Variants in NCR3 observed in about 807,000 individuals in gnomAD.
NCR3 encodes NK-p30.
In NCR3, 13 loss-of-function variants were observed where a neutral mutation model predicts 16.1. That is an observed-to-expected ratio of 0.81 (90% confidence interval 0.53 to 1.28). The LOEUF (loss-of-function observed/expected upper bound fraction) is 1.28. Ranked by LOEUF, NCR3 falls within the 50% of genes most tolerant of loss-of-function variation. The pLI, the probability that NCR3 is intolerant of heterozygous loss-of-function variation, is 0.00. For synonymous variants in NCR3, 98 were observed against 106.6 expected, an observed-to-expected ratio of 0.92 and a Z score of 0.50; for missense variants, 202 against 256.8, an observed-to-expected ratio of 0.79 and a Z score of 1.46.
Position 31,589,127 on chromosome 6 carries a change from C to T in NCR3, c.546G>A (p.Ala182=), listed in dbSNP as rs745534380. Residue 182 remains alanine (A), a synonymous_variant, in exon 4 of 4, where the codon GCG becomes GCA. Coordinates refer to ENST00000340027, the MANE Select transcript of NCR3 (RefSeq NM_147130.3). This position sits in a 1 kb window ranked among gnomAD's most constrained non-coding sequence, Gnocchi z 4.8. ...PRRQLPAVVP[A]PLPPPCGSSA... is the part of the protein sequence containing the mutation. ...AGCTCCCACATGGTGGTGGGAGGGGCGCTGGGACCACAGCCGGCAGCTGCC... is the reference window on the plus strand; with the variant it reads ...AGCTCCCACATGGTGGTGGGAGGGGTGCTGGGACCACAGCCGGCAGCTGCC... The T allele has an allele frequency of 1.3e-5, 21 of 1,612,626 alleles. No homozygotes were observed. The highest frequency in any genetic ancestry group is 6.7e-5 in the East Asian group (3 of 44,884).
At chr6:31,591,264 A>C (rs1027062234) in intron 1 of NCR3, among the ~76,000 whole-genome samples, 1 of 152,260 alleles carries the variant, frequency 6.6e-6, no homozygotes, top group Non-Finnish European at 1.5e-5. Flanking sequence ...TAAACCAAAT[A>C]TTAAAATCCC....
At position 31,589,529 on chromosome 6, in the gene NCR3, T is replaced by G. The variant is rs1772417207; in HGVS notation, c.493A>C (p.Lys165Gln). 1 of 1,613,934 alleles carries G rather than the reference T, an allele frequency of 6.2e-7. No individual in the cohort carries two copies. The highest frequency in any genetic ancestry group is 1.3e-5 in the African/African-American group (1 of 74,918). ...AVGSTVYYQG[K>Q]CLTWKGPRRQ... ...TGCCCCTGGCTCCATTACTCACATTTGCCCTGGTAATAGACGGTGCTGCCC... is the reference window on the plus strand; with the variant it reads ...TGCCCCTGGCTCCATTACTCACATTGGCCCTGGTAATAGACGGTGCTGCCC... Residue 165 changes from lysine (K) to glutamine (Q), a missense_variant, in exon 3 of 4, where the codon AAA becomes CAA. Transcript: ENST00000340027. The surrounding 1 kb of genome is among the most constrained non-coding windows in gnomAD (Gnocchi z 4.8).
intron 1 of NCR3, among the ~76,000 whole-genome samples, 172 bp from the exon 2 acceptor site, chr6:31,590,298 A>T (rs954123582): frequency 2.6e-5 from 4 of 152,140 alleles, no homozygotes; most frequent in African/African-American, 9.7e-5. Context: ...ATTTCTTAAC[A>T]TTGCTTATTA....
At chr6:31,590,324 G>A (rs894640606) in intron 1 of NCR3, among the ~76,000 whole-genome samples, 198 bp from the exon 2 acceptor site, 8 of 152,138 alleles carry the variant, frequency 5.3e-5, no homozygotes, top group South Asian at 2.1e-4. Context: ...TTTTTCGGCT[G>A]GGTGCAGTGG....
rs759465543 is a variant in NCR3 at position 31,589,430 on chromosome 6, C to T, written c.496+96G>A. On this transcript the variant is annotated intron_variant, in intron 3 of 3. Coordinates refer to ENST00000340027, the MANE Select transcript of NCR3 (RefSeq NM_147130.3). The surrounding 1 kb of genome is among the most constrained non-coding windows in gnomAD (Gnocchi z 4.8). ...CAGGAGCTGCTCAGTGTTGCAGTCC[C>T]GAGGCTCTCCTCTTCCTGGTCTCTG... The T allele has an allele frequency of 5.1e-6, 8 of 1,560,836 alleles. No individual in the cohort carries two copies. Among genetic ancestry groups the T allele is most frequent in the African/African-American group, 2.7e-5 (2 of 73,514 alleles).
rs144734030 is a variant in NCR3 at position 31,590,062 on chromosome 6, G to C, written c.108C>G (p.Phe36Leu). Reference protein sequence around the residue: ...EIRTLEGSSAFLPCSFNASQG... With the variant: ...EIRTLEGSSALLPCSFNASQG... ...GGCTGGCATTGAAGGAGCAGGGCAG[G>C]AAGGCAGAGGATCCTTCCAGGGTAC... is the stretch of plus-strand genomic sequence containing the variant. Residue 36 changes from phenylalanine to leucine, a missense_variant, in exon 2 of 4, where the codon TTC becomes TTG. By Grantham distance (22) the Phe-to-Leu change is conservative. Transcript: ENST00000340027. 15 of 1,613,006 alleles carry C rather than the reference G, an allele frequency of 9.3e-6. No individual in the cohort carries two copies. The African/African-American group carries it at 1.6e-4, about 17-fold the overall frequency.
chr6:31,591,923 C>T (rs566751950), intron 1 of NCR3, among the ~76,000 whole-genome samples: 1 of 152,238 alleles, frequency 6.6e-6, no homozygotes, highest in Non-Finnish European at 1.5e-5. Context: ...TGAGACCAAC[C>T]TGGCCAACAT....
chr6:31,589,674 A>G lies in NCR3; in HGVS notation c.389-41T>C, dbSNP rs753641870. ...GAGACGGGGGTTGGGGAAGAAGTGC[A>G]CACAGGCTCAGGGAGGGAAGGGGCC... On this transcript the variant is annotated intron_variant, in intron 2 of 3. Transcript: ENST00000340027. The surrounding 1 kb of genome is among the most constrained non-coding windows in gnomAD (Gnocchi z 4.8). 4 of 1,611,332 alleles carry G rather than the reference A, an allele frequency of 2.5e-6. No homozygotes were observed. In the Admixed American group the frequency reaches 6.7e-5, roughly 27 times the overall value.
Position 31,589,638 on chromosome 6 carries a change from A to T in NCR3, c.389-5T>A. On this transcript the variant is annotated splice_region_variant and splice_polypyrimidine_tract_variant and intron_variant, in intron 2 of 3. Transcript: ENST00000340027. The surrounding 1 kb of genome is among the most constrained non-coding windows in gnomAD (Gnocchi z 4.8). Reference sequence around the variant, plus strand: ...CAGCCCCTAGCTGAGGATGTTCTGCATGGGGCAATGGAGACGGGGGTTGGG... The same window carrying T: ...CAGCCCCTAGCTGAGGATGTTCTGCTTGGGGCAATGGAGACGGGGGTTGGG... 1 of 1,613,426 alleles carries T rather than the reference A, an allele frequency of 6.2e-7. No homozygotes were observed. Among genetic ancestry groups the T allele is most frequent in the African/African-American group, 1.3e-5 (1 of 75,054 alleles).
chr6:31,592,552 C>T, intron 1 of NCR3, 127 bp downstream of exon 1: 1 of 962,796 alleles, frequency 1.0e-6, no homozygotes, highest in South Asian at 1.4e-5. Flanking sequence ...GGAGCAGTCC[C>T]ACTCCTCCCT....
In NCR3 at chr6:31,589,144, G is replaced by A; in HGVS notation, c.529C>T (p.Pro177Ser). 1.2e-6 allele frequency: 2 copies of A among 1,613,950 alleles called. No homozygotes were observed. The highest frequency in any genetic ancestry group is 1.3e-5 in the African/African-American group (1 of 75,044). Residue 177 changes from proline (P) to serine (S), a missense_variant, in exon 4 of 4, where the codon CCG (proline) becomes TCG (serine). Physicochemically the swap from Pro to Ser is moderately conservative, Grantham distance 74. Coordinates refer to ENST00000340027, the MANE Select transcript of NCR3 (RefSeq NM_147130.3). This position sits in a 1 kb window ranked among gnomAD's most constrained non-coding sequence, Gnocchi z 4.8. Reference sequence around the variant, plus strand: ...GGGAGGGGCGCTGGGACCACAGCCGGCAGCTGCCTTCTTGGACCTTTCCAG... The same window carrying A: ...GGGAGGGGCGCTGGGACCACAGCCGACAGCTGCCTTCTTGGACCTTTCCAG... ...LTWKGPRRQL[P>S]AVVPAPLPPP...
chr6:31,593,005 A>T lies in NCR3; in HGVS notation c.-284T>A. ...TTGTGGCAGGCTAGCTAAGCGTGTG[A>T]GGGGGAGGGTGGGGCTTAGATGGCT... On this transcript the variant is annotated 5_prime_UTR_variant, in exon 1 of 4. Coordinates refer to ENST00000340027, the MANE Select transcript of NCR3 (RefSeq NM_147130.3). 1.9e-6 allele frequency: 1 copy of T among 538,266 alleles called. No individual in the cohort carries two copies. The allele number at this position is 538,266 out of a possible 1,614,324, so 33.3% of individuals were successfully genotyped here.
At position 31,589,522 on chromosome 6, in the gene NCR3, T is replaced by C. The variant is rs754395267; in HGVS notation, c.496+4A>G. On this transcript the variant is annotated splice_donor_region_variant and intron_variant, in intron 3 of 3. Transcript: ENST00000340027. The surrounding 1 kb of genome is among the most constrained non-coding windows in gnomAD (Gnocchi z 4.8). Reference sequence around the variant, plus strand: ...CCACTATTGCCCCTGGCTCCATTACTCACATTTGCCCTGGTAATAGACGGT... The same window carrying C: ...CCACTATTGCCCCTGGCTCCATTACCCACATTTGCCCTGGTAATAGACGGT... 3.1e-6 allele frequency: 5 copies of C among 1,613,758 alleles called. No homozygotes were observed. In the African/African-American group the frequency reaches 5.3e-5, roughly 17 times the overall value.
chr6:31,592,649 C>T, intron 1 of NCR3, 30 bp downstream of exon 1: 2 of 1,612,606 alleles, frequency 1.2e-6, no homozygotes, highest in Non-Finnish European at 1.7e-6. Flanking sequence ...CACCCACACT[C>T]CTTGGGGTCC....
At chr6:31,591,967 T>C (rs1161413417) in intron 1 of NCR3, among the ~76,000 whole-genome samples, 2 of 150,650 alleles carry the variant, frequency 1.3e-5, no homozygotes, top group Non-Finnish European at 3.0e-5. Flanking sequence ...AATACAAAAA[T>C]GGCTGGGCGC....
chr6:31,592,596 T>C, intron 1 of NCR3, 83 bp downstream of exon 1: 4 of 1,515,986 alleles, frequency 2.6e-6, no homozygotes, highest in Non-Finnish European at 3.6e-6. Flanking sequence ...ACCAAGCCCG[T>C]TCCCTATAGC....
Position 31,589,087 on chromosome 6 carries a change from G to C in NCR3, c.586C>G (p.Pro196Ala), listed in dbSNP as rs1315582906. The C allele has an allele frequency of 1.9e-6, 3 of 1,598,728 alleles. No individual in the cohort carries two copies. Among genetic ancestry groups the C allele is most frequent in the South Asian group, 1.1e-5 (1 of 89,272 alleles). Reference sequence around the variant, plus strand: ...CAGGCTCAGCCTCCTGGGACTGGGGGAAGCAGATGTGCTGAGCTCCCACAT... The same window carrying C: ...CAGGCTCAGCCTCCTGGGACTGGGGCAAGCAGATGTGCTGAGCTCCCACAT... ...PPCGSSAHLLPPVPGG is the reference protein window; with the variant it reads ...PPCGSSAHLLAPVPGG The change falls in exon 4 of 4, where the codon CCC becomes GCC. Residue 196 changes from proline to alanine, a missense_variant. Pro to Ala is a conservative substitution (Grantham distance 27). Coordinates refer to ENST00000340027, the MANE Select transcript of NCR3 (RefSeq NM_147130.3). This position sits in a 1 kb window ranked among gnomAD's most constrained non-coding sequence, Gnocchi z 4.8.
chr6:31,589,638 A>G lies in NCR3; in HGVS notation c.389-5T>C, dbSNP rs560911843. 6.8e-6 allele frequency: 11 copies of G among 1,613,308 alleles called. No individual in the cohort carries two copies. The highest frequency in any genetic ancestry group is 2.2e-5 in the East Asian group (1 of 44,888). On this transcript the variant is annotated splice_region_variant and splice_polypyrimidine_tract_variant and intron_variant, in intron 2 of 3. Transcript: ENST00000340027. This position sits in a 1 kb window ranked among gnomAD's most constrained non-coding sequence, Gnocchi z 4.8. ...CAGCCCCTAGCTGAGGATGTTCTGC[A>G]TGGGGCAATGGAGACGGGGGTTGGG...
In NCR3 at chr6:31,589,660, T is replaced by TG. The variant is rs1341946782; in HGVS notation, c.389-28dup. On this transcript the variant is annotated intron_variant, in intron 2 of 3. Coordinates refer to ENST00000340027, the MANE Select transcript of NCR3 (RefSeq NM_147130.3). This position sits in a 1 kb window ranked among gnomAD's most constrained non-coding sequence, Gnocchi z 4.8. ...TGCATGGGGCAATGGAGACGGGGGT[T>TG]GGGGAAGAAGTGCACACAGGCTCAG... is the stretch of plus-strand genomic sequence containing the variant. 2 of 1,612,322 alleles carry TG rather than the reference T, an allele frequency of 1.2e-6. No homozygotes were observed. The highest frequency in any genetic ancestry group is 2.7e-5 in the African/African-American group (2 of 74,958).
Sources: allele counts gnomAD v4.1 joint callset (sites outside exome capture counted in the v4.1 genomes callset), GRCh38; gene constraint gnomAD v4.1.1; non-coding constraint Gnocchi (gnomAD v3.1); transcripts MANE v1.5; gene names NCBI Gene and HGNC (gene_info 2026-07-23, HGNC 2026-07-21).